TSHR: variants seen among roughly 807,000 people sequenced by gnomAD.
The protein encoded by TSHR is thyroid stimulating hormone receptor, also known as thyrotropin receptor.
In TSHR, 51 loss-of-function variants were observed where a neutral mutation model predicts 64.1. The ratio of observed to expected loss-of-function variants is 0.80; its 90% CI spans 0.64 to 1.01. The LOEUF (loss-of-function observed/expected upper bound fraction) is 1.01. TSHR is among the 50% of genes least tolerant of loss of function. TSHR has a pLI of 0.00. For synonymous variants in TSHR, 361 were observed against 361.9 expected (o/e 1.00, Z 0.03); for missense variants, 877 against 942.8 (o/e 0.93, Z 0.91).
In TSHR at chr14:81,142,938, A is replaced by G; in HGVS notation, c.882-2A>G. 1 of 1,614,098 alleles carries G rather than the reference A, an allele frequency of 6.2e-7. No individual in the cohort carries two copies. The highest frequency in any genetic ancestry group is 8.5e-7 in the Non-Finnish European group (1 of 1,180,014). On this transcript the variant is annotated splice_acceptor_variant, in intron 9 of 9. Transcript: ENST00000298171. LOFTEE classifies it high-confidence loss of function. ...CACTGACTCTTTTCTGTTGCCTTGC[A>G]GAATCCTTGAGTCCTTGATGTGTAA... is the stretch of plus-strand genomic sequence containing the variant.
At chr14:80,967,826 G>T (rs1175598042) in intron 1 of TSHR, among the ~76,000 whole-genome samples, 1 of 152,164 alleles carries the variant, frequency 6.6e-6, no homozygotes, top group Non-Finnish European at 1.5e-5. Flanking sequence ...GAGAATTCTT[G>T]TTGGGGAGTA....
intron 8 of TSHR, among the ~76,000 whole-genome samples, chr14:81,131,038 A>G (rs1270857343): frequency 1.3e-5 from 2 of 150,136 alleles, no homozygotes; most frequent in Non-Finnish European, 3.0e-5. Flanking sequence ...GACTGCCGTC[A>G]CCATCTGGAT....
At chr14:81,030,493 T>G (rs1884295181) in intron 1 of TSHR, among the ~76,000 whole-genome samples, 1 of 152,190 alleles carries the variant, frequency 6.6e-6, no homozygotes, top group Non-Finnish European at 1.5e-5. Flanking sequence ...AATATTTAAG[T>G]ATTAATCTTT....
intron 1 of TSHR, chr14:80,992,830 C>T (rs1888809728): frequency 6.6e-6 from 1 of 152,110 alleles, no homozygotes; most frequent in Non-Finnish European, 1.5e-5. Context: ...CTGCAGTTAA[C>T]TATAAAAACA....
intron 3 of TSHR, among the ~76,000 whole-genome samples, chr14:81,072,203 A>T (rs1360486721): frequency 1.3e-5 from 2 of 152,224 alleles, no homozygotes; most frequent in Non-Finnish European, 2.9e-5. Flanking sequence ...AACTTGAGGG[A>T]TGTGTTGAGG....
chr14:80,972,064 T>C (rs970956460), intron 1 of TSHR, among the ~76,000 whole-genome samples: 3 of 152,214 alleles, frequency 2.0e-5, no homozygotes, highest in Non-Finnish European at 4.4e-5. Flanking sequence ...AATGTTTAGA[T>C]TTAAATTCAT....
intron 1 of TSHR, among the ~76,000 whole-genome samples, chr14:81,004,395 G>A (rs148075861): frequency 0.022 from 3,300 of 152,262 alleles, 75 homozygotes; most frequent in Non-Finnish European, 0.03. Flanking sequence ...GCACACAGCT[G>A]TGGCTCAAAT....
Position 80,972,697 on chromosome 14 carries a change from C to G in TSHR, c.170+16847C>G, listed in dbSNP as rs114929645. Among the ~76,000 whole-genome samples the G allele has an allele frequency of 4.6e-3, 706 of 152,274 alleles. 6 individuals carry two copies. Among genetic ancestry groups the G allele is most frequent in the African/African-American group, 0.016 (665 of 41,550 alleles). ...CATTCACAATAGTGTACAGCCAGCA[C>G]CTGTATCTAGTTCCAAAATATTTTC... is the stretch of plus-strand genomic sequence containing the variant. On this transcript the variant is annotated intron_variant, in intron 1 of 9. Transcript: ENST00000298171.
chr14:80,991,289 T>C (rs747416135), intron 1 of TSHR, among the ~76,000 whole-genome samples: 6 of 152,140 alleles, frequency 3.9e-5, no homozygotes, highest in Non-Finnish European at 5.9e-5. Flanking sequence ...AATTCTTTCT[T>C]TCAGACAAGT....
rs145802661 is a variant in TSHR, at chr14:80,978,896, G to T, written c.170+23046G>T. ...TCTTATCTCATGCCACACTTCTCCA[G>T]CCTCGCCTACTCCCATTCATACATC... On this transcript the variant is annotated intron_variant, in intron 1 of 9. Coordinates refer to ENST00000298171, the MANE Select transcript of TSHR (RefSeq NM_000369.5). 1.5e-3 allele frequency among the ~76,000 whole-genome samples: 233 copies of T among 152,256 alleles called. 3 individuals carry two copies. Among genetic ancestry groups the T allele is most frequent in the African/African-American group, 5.1e-3 (210 of 41,542 alleles).
At position 80,990,416 on chromosome 14, in the gene TSHR, T is replaced by C. The variant is rs147240054; in HGVS notation, c.170+34566T>C. On this transcript the variant is annotated intron_variant, in intron 1 of 9. Transcript: ENST00000298171. ...AGTTACTCCCCTGCACTTCCAGTTC[T>C]GTCATCTGGCCCCTTTGATGGCTCT... Among the ~76,000 whole-genome samples the C allele has an allele frequency of 1.3e-4, 20 of 152,362 alleles. 1 individual carries two copies. In the East Asian group the frequency reaches 3.9e-3, roughly 29 times the overall value.
chr14:81,124,338 A>C (rs1251562552), intron 8 of TSHR, among the ~76,000 whole-genome samples: 1 of 152,112 alleles, frequency 6.6e-6, no homozygotes, highest in East Asian at 1.9e-4. Context: ...ACGATTTTCT[A>C]GGATGATCCT....
chr14:80,968,739 G>A (rs925259288), intron 1 of TSHR, among the ~76,000 whole-genome samples: 2 of 152,214 alleles, frequency 1.3e-5, no homozygotes, highest in Non-Finnish European at 2.9e-5. Context: ...AGATGCCCCA[G>A]TGAATTCCCT....
intron 3 of TSHR, among the ~76,000 whole-genome samples, chr14:81,074,912 A>G (rs1430557282): frequency 6.6e-6 from 1 of 152,194 alleles, no homozygotes; most frequent in African/African-American, 2.4e-5. Flanking sequence ...ACAGAGCTCT[A>G]TATACATTCT....
Position 81,144,753 on chromosome 14 carries a change from T to C in TSHR, c.*400T>C, listed in dbSNP as rs143040631. 8.3e-4 allele frequency: 222 copies of C among 266,214 alleles called. No individual in the cohort carries two copies. The highest frequency in any genetic ancestry group is 2.2e-3 in the Middle Eastern group (2 of 890). The allele number at this position is 266,214 out of a possible 1,614,324, so 16.5% of individuals were successfully genotyped here. ...CAAATGGAAAATGCTATTAATTTGG[T>C]TGGTGACCACAAGATAAAATCAGTC... On this transcript the variant is annotated 3_prime_UTR_variant, in exon 10 of 10. Transcript: ENST00000298171.
At chr14:81,038,604 A>G (rs1884768999) in intron 1 of TSHR, among the ~76,000 whole-genome samples, 1 of 151,148 alleles carries the variant, frequency 6.6e-6, no homozygotes, top group African/African-American at 2.4e-5. Flanking sequence ...ACAAAGAAAA[A>G]AGAGATAATA....
intron 3 of TSHR, among the ~76,000 whole-genome samples, chr14:81,086,045 G>A (rs1888263377): frequency 6.6e-6 from 1 of 152,132 alleles, no homozygotes; most frequent in South Asian, 2.1e-4. Flanking sequence ...TTCCATGCAG[G>A]GTCTTGTTTA....
intron 1 of TSHR, among the ~76,000 whole-genome samples, chr14:81,058,388 C>T (rs764826493): frequency 6.6e-5 from 10 of 152,234 alleles, no homozygotes; most frequent in Non-Finnish European, 1.3e-4. Context: ...TTTTCTCTCA[C>T]ATAATTTCTA....
At position 81,144,685 on chromosome 14, in the gene TSHR, A is replaced by G; in HGVS notation, c.*332A>G. The G allele has an allele frequency of 3.0e-6, 1 of 332,272 alleles. No individual in the cohort carries two copies. The highest frequency in any genetic ancestry group is 2.1e-5 in the African/African-American group (1 of 48,096). The allele number at this position is 332,272 out of a possible 1,614,324, so 20.6% of individuals were successfully genotyped here. On this transcript the variant is annotated 3_prime_UTR_variant, in exon 10 of 10. Coordinates refer to ENST00000298171, the MANE Select transcript of TSHR (RefSeq NM_000369.5). ...AATATTAACTGAGCTATGTCAATAT[A>G]GAGCTTCTCAGTTTTGTATAACATT...
Sources: allele counts gnomAD v4.1 joint callset (sites outside exome capture counted in the v4.1 genomes callset), GRCh38; gene constraint gnomAD v4.1.1; transcripts MANE v1.5; gene names NCBI Gene and HGNC (gene_info 2026-07-23, HGNC 2026-07-21).